The following THAP5 variants were observed in gnomAD, a reference collection of about 807,000 sequenced individuals.
THAP5 encodes the protein THAP domain containing 5.
THAP5 carries 26 observed loss-of-function variants against 34.0 expected under a neutral mutation model. The ratio of observed to expected loss-of-function variants is 0.77; its 90% CI spans 0.56 to 1.06. The LOEUF (loss-of-function observed/expected upper bound fraction) is 1.06, where lower values mean the gene tolerates loss of function less well. THAP5 is among the 50% of genes least tolerant of loss of function. THAP5 has a pLI of 0.00. For missense variants in THAP5, 394 were observed against 452.8 expected (o/e 0.87, Z 1.18); for synonymous variants, 125 against 153.0 (o/e 0.82, Z 1.35).
downstream of THAP5, among the ~76,000 whole-genome samples, chr7:108,552,541 T>G (rs1174215649): frequency 6.6e-6 from 1 of 152,258 alleles, no homozygotes; most frequent in Non-Finnish European, 1.5e-5. Flanking sequence ...GGCTCACGCC[T>G]GTAATCCCAA....
chr7:108,542,957 C>T, the THAP5 span, among the ~76,000 whole-genome samples: 67 of 149,000 alleles, frequency 4.5e-4, no homozygotes, highest in South Asian at 7.7e-3. Context: ...GATGGAGTCT[C>T]GCTTTGTCAC....
downstream of THAP5, among the ~76,000 whole-genome samples, chr7:108,559,216 C>A (rs1864409457): frequency 6.6e-6 from 1 of 152,212 alleles, no homozygotes; most frequent in South Asian, 2.1e-4. Context: ...GGATGCAGGG[C>A]AGCCTGGAGG....
intron 1 of THAP5, among the ~76,000 whole-genome samples, chr7:108,567,383 C>G (rs1263718750): frequency 1.3e-5 from 2 of 151,970 alleles, no homozygotes; most frequent in African/African-American, 4.8e-5. Context: ...TGAGAATAGG[C>G]CTTTTACAAT....
intron 2 of THAP5, 76 bp downstream of exon 2, chr7:108,565,754 A>T: frequency 8.5e-7 from 1 of 1,171,626 alleles, no homozygotes; most frequent in Non-Finnish European, 1.1e-6. Context: ...GTTCCCTCTT[A>T]CTCTCCCACC....
chr7:108,544,530 CAAAA>C, the THAP5 span, among the ~76,000 whole-genome samples: 2 of 135,540 alleles, frequency 1.5e-5, no homozygotes, highest in African/African-American at 5.5e-5. Context: ...GACTCCATCT[CAAAA>C]AAAAAACAAA....
rs1164549281 is a variant in THAP5 at position 108,569,524 on chromosome 7, G to A, written c.46C>T (p.Arg16Ter). 1.3e-6 allele frequency: 2 copies of A among 1,551,754 alleles called. No homozygotes were observed. The highest frequency in any genetic ancestry group is 2.4e-5 in the East Asian group (1 of 40,918). The change falls in exon 1 of 3, where the codon CGA becomes TGA. Residue 16 changes from arginine (R) to a stop codon, truncating the protein, a stop_gained. Coordinates refer to ENST00000415914, the MANE Select transcript of THAP5 (RefSeq NM_001130475.3). LOFTEE classifies it high-confidence loss of function. ...AAICCKNRRG[R>*]NNKDRKLSFY... is the part of the protein sequence containing the mutation. ...CTCAGCTTCCGGTCTTTATTGTTTC[G>A]TCCCCGGCGGTTCTTACAACAAATC...
the THAP5 span, among the ~76,000 whole-genome samples, chr7:108,542,176 A>G: frequency 6.6e-6 from 1 of 152,188 alleles, no homozygotes; most frequent in Non-Finnish European, 1.5e-5. Flanking sequence ...ATCTATATCT[A>G]TATCTAGATT....
At chr7:108,565,137 G>T in intron 2 of THAP5, 32 bp from the exon 3 acceptor site, 2 of 1,450,126 alleles carry the variant, frequency 1.4e-6, no homozygotes, top group Non-Finnish European at 1.8e-6. Flanking sequence ...TTCTGAAAAA[G>T]ATGACTTTTA....
chr7:108,565,627 T>C (rs773284004), intron 2 of THAP5: 34 of 420,030 alleles, frequency 8.1e-5, no homozygotes, highest in Non-Finnish European at 1.3e-4. Flanking sequence ...TAATAATGTA[T>C]ATCTCTTGCT....
the THAP5 span, among the ~76,000 whole-genome samples, chr7:108,546,526 T>C: frequency 3.3e-5 from 5 of 151,792 alleles, no homozygotes; most frequent in African/African-American, 1.2e-4. Context: ...ACAACAAAAA[T>C]AGGAAGAGGA....
intron 1 of THAP5, among the ~76,000 whole-genome samples, chr7:108,556,773 C>T (rs1322255867): frequency 6.6e-6 from 1 of 152,216 alleles, no homozygotes; most frequent in Non-Finnish European, 1.5e-5. Flanking sequence ...GCCCTCTTCC[C>T]ACAGCTCCAC....
the THAP5 span, among the ~76,000 whole-genome samples, chr7:108,549,025 C>T: frequency 2.2e-4 from 33 of 151,804 alleles, no homozygotes; most frequent in African/African-American, 5.3e-4. Context: ...CAGAGTCAAC[C>T]GCTTCTAATC....
chr7:108,549,105 C>CACAT, the THAP5 span, among the ~76,000 whole-genome samples: 9 of 149,526 alleles, frequency 6.0e-5, no homozygotes, highest in African/African-American at 2.2e-4. Context: ...CACACACACA[C>CACAT]ACACACACAC....
intron 1 of THAP5, among the ~76,000 whole-genome samples, chr7:108,567,496 T>C (rs1366692079): frequency 1.3e-5 from 2 of 152,218 alleles, no homozygotes; most frequent in East Asian, 1.9e-4. Context: ...ACTTTGTGAA[T>C]ATCCTTATTG....
intron 1 of THAP5, 41 bp from the exon 2 acceptor site, chr7:108,566,063 G>A (rs1790481739): frequency 1.4e-6 from 2 of 1,474,092 alleles, no homozygotes; most frequent in African/African-American, 2.9e-5. Flanking sequence ...GAAAAACTTT[G>A]CTATATTTTT....
downstream of THAP5, among the ~76,000 whole-genome samples, chr7:108,561,960 T>C (rs578039208): frequency 6.6e-6 from 1 of 152,340 alleles, no homozygotes; most frequent in African/African-American, 2.4e-5. Context: ...TGGACGTGAA[T>C]ACAGAAAGGG....
At chr7:108,560,256 C>T (rs1864416918), downstream of THAP5, among the ~76,000 whole-genome samples, 1 of 152,182 alleles carries the variant, frequency 6.6e-6, no homozygotes. Flanking sequence ...TGATGTCATT[C>T]TCATATAGTT....
chr7:108,553,657 G>C (rs889005858), downstream of THAP5, among the ~76,000 whole-genome samples: 4 of 152,136 alleles, frequency 2.6e-5, no homozygotes, highest in African/African-American at 7.2e-5. Flanking sequence ...AAATCCAGGG[G>C]TGCTGCTCTC....
At chr7:108,547,344 A>C in the THAP5 span, among the ~76,000 whole-genome samples, 1 of 152,224 alleles carries the variant, frequency 6.6e-6, no homozygotes, top group Non-Finnish European at 1.5e-5. Context: ...TTTCACATTT[A>C]TAATATTCTA....
Sources: gnomAD v4.1 joint callset for allele counts (sites outside exome capture counted in the v4.1 genomes callset) on GRCh38, gnomAD v4.1.1 for gene constraint, MANE v1.5 for transcripts, NCBI Gene and HGNC (gene_info 2026-07-23, HGNC 2026-07-21) for gene names.